The following GLI2 variants were observed in gnomAD, a reference collection of about 807,000 sequenced individuals.
GLI2 encodes GLI family zinc finger 2.
A neutral mutation model predicts 78.9 loss-of-function variants in GLI2; 22 were observed. That is an observed-to-expected ratio of 0.28 (90% confidence interval 0.20 to 0.40). The LOEUF is 0.40. Among genes scored for constraint, GLI2 ranks in the 10% least tolerant of loss-of-function variants. The pLI is 1.00. For synonymous variants in GLI2, 974 were observed against 963.7 expected, an observed-to-expected ratio of 1.01 and a Z score of -0.20; for missense variants, 2,097 against 2,213.2, an observed-to-expected ratio of 0.95 and a Z score of 1.05.
intron 2 of GLI2, among the ~76,000 whole-genome samples, chr2:120,905,958 G>A (rs912610325): frequency 6.6e-6 from 1 of 151,630 alleles, no homozygotes; most frequent in Non-Finnish European, 1.5e-5. Context: ...TTGGGCTCCG[G>A]TTACCTGCGT....
At chr2:120,832,486 C>G (rs1311437362) in intron 2 of GLI2, among the ~76,000 whole-genome samples, 1 of 146,090 alleles carries the variant, frequency 6.8e-6, no homozygotes, top group Non-Finnish European at 1.5e-5. Context: ...GTCAGTCATC[C>G]CTGTGTGGCG....
At position 120,959,613 on chromosome 2, in the gene GLI2, C is replaced by T. The variant is rs907221934; in HGVS notation, c.643+4183C>T. ...GTTACTCACGTATGTCTCTAAGAGA[C>T]GCTGAACACAACACCTGGGCTCTCA... On this transcript the variant is annotated intron_variant, in intron 5 of 13. Transcript: ENST00000361492. 4.6e-5 allele frequency among the ~76,000 whole-genome samples: 7 copies of T among 152,194 alleles called. No homozygotes were observed. In the South Asian group the frequency reaches 6.2e-4, roughly 14 times the overall value.
At chr2:120,898,105 G>C (rs910295235) in intron 2 of GLI2, among the ~76,000 whole-genome samples, 2 of 150,720 alleles carry the variant, frequency 1.3e-5, no homozygotes, top group South Asian at 2.1e-4. Flanking sequence ...TTGTGGAGTG[G>C]TTTCCATCCA....
intron 1 of GLI2, among the ~76,000 whole-genome samples, chr2:120,780,959 G>A (rs1683829065): frequency 6.6e-6 from 1 of 152,176 alleles, no homozygotes; most frequent in African/African-American, 2.4e-5. Flanking sequence ...CTGCCCTGGG[G>A]CTGTGAGCTG....
At chr2:120,741,668 G>T (rs539787422) in intron 1 of GLI2, among the ~76,000 whole-genome samples, 2 of 151,576 alleles carry the variant, frequency 1.3e-5, no homozygotes, top group African/African-American at 4.8e-5. Flanking sequence ...CGGCTTTTCC[G>T]CCACGCGGAG....
intron 2 of GLI2, among the ~76,000 whole-genome samples, chr2:120,912,820 A>C (rs1678895017): frequency 1.3e-5 from 2 of 152,134 alleles, no homozygotes; most frequent in Admixed American, 1.3e-4. Flanking sequence ...AGCGGGCAGC[A>C]ATCCAGGGCA....
At chr2:120,884,415 A>G (rs1677297692) in intron 2 of GLI2, among the ~76,000 whole-genome samples, 1 of 152,150 alleles carries the variant, frequency 6.6e-6, no homozygotes, top group African/African-American at 2.4e-5. Flanking sequence ...AAATGAGGAC[A>G]TTACTTAGTG....
chr2:120,953,479 C>T (rs1006571037), intron 4 of GLI2, among the ~76,000 whole-genome samples: 3 of 152,200 alleles, frequency 2.0e-5, no homozygotes. Flanking sequence ...ACAGTTAACA[C>T]AAAGTTTATG....
chr2:120,933,046 C>T (rs746719757), intron 3 of GLI2, among the ~76,000 whole-genome samples: 37 of 152,072 alleles, frequency 2.4e-4, no homozygotes, highest in African/African-American at 3.9e-4. Flanking sequence ...AGGAGAAGGG[C>T]GGGAACTGTG....
Position 120,977,143 on chromosome 2 carries a change from G to A in GLI2, c.1318-1291G>A, listed in dbSNP as rs114453053. ...GCAGTTTTCTGTCTTCTGGGGCAAG[G>A]TGCTGCCAGTGCCTGATGCTTGGCT... On this transcript the variant is annotated intron_variant, in intron 9 of 13. Transcript: ENST00000361492. Among the ~76,000 whole-genome samples the A allele has an allele frequency of 4.1e-3, 625 of 152,310 alleles. 2 individuals carry two copies. The highest frequency in any genetic ancestry group is 7.1e-3 in the South Asian group (34 of 4,816).
intron 2 of GLI2, among the ~76,000 whole-genome samples, chr2:120,905,893 C>A (rs1034807927): frequency 5.3e-5 from 8 of 150,188 alleles, no homozygotes; most frequent in Admixed American, 1.3e-4. Context: ...CACATGGGCC[C>A]CAGTGTCCAC....
At chr2:120,796,521 G>A (rs1171118124) in intron 1 of GLI2, among the ~76,000 whole-genome samples, 1 of 152,174 alleles carries the variant, frequency 6.6e-6, no homozygotes, top group African/African-American at 2.4e-5. Context: ...CTGGCTCCTG[G>A]CTTTGCCCTC....
chr2:120,954,485 T>C (rs1017579745), intron 4 of GLI2, among the ~76,000 whole-genome samples: 1 of 152,046 alleles, frequency 6.6e-6, no homozygotes, highest in South Asian at 2.1e-4. Context: ...GAGAGCTCTT[T>C]TGGAATTTGT....
At chr2:120,963,459 G>T (rs1052469306) in intron 5 of GLI2, among the ~76,000 whole-genome samples, 2 of 152,170 alleles carry the variant, frequency 1.3e-5, no homozygotes, top group African/African-American at 4.8e-5. Context: ...GTGTGTGCGC[G>T]CACGCGCATC....
At chr2:120,906,904 G>A (rs546765151) in intron 2 of GLI2, among the ~76,000 whole-genome samples, 2 of 152,148 alleles carry the variant, frequency 1.3e-5, no homozygotes, top group South Asian at 4.2e-4. Flanking sequence ...TGCCGCCTCT[G>A]CCCTTCCCGC....
intron 2 of GLI2, among the ~76,000 whole-genome samples, chr2:120,886,677 C>T (rs1677429266): frequency 6.6e-6 from 1 of 152,164 alleles, no homozygotes; most frequent in Non-Finnish European, 1.5e-5. Context: ...AGGCTGGGAG[C>T]CTGCTTAGTG....
At position 120,895,628 on chromosome 2, in the gene GLI2, G is replaced by T. The variant is rs576992484; in HGVS notation, c.149-31733G>T. Among the ~76,000 whole-genome samples the T allele has an allele frequency of 2.6e-5, 4 of 152,224 alleles. No homozygotes were observed. The East Asian group carries it at 7.7e-4, about 29-fold the overall frequency. On this transcript the variant is annotated intron_variant, in intron 2 of 13. Transcript: ENST00000361492. Reference sequence around the variant, plus strand: ...TGAGGCAGGAGAATTGCTTGAACCTGGGAGGTGAAGGCTACAATGAACTGA... The same window carrying T: ...TGAGGCAGGAGAATTGCTTGAACCTTGGAGGTGAAGGCTACAATGAACTGA...
At chr2:120,912,829 C>T (rs2104818854) in intron 2 of GLI2, among the ~76,000 whole-genome samples, 2 of 152,218 alleles carry the variant, frequency 1.3e-5, no homozygotes, top group South Asian at 4.2e-4. Flanking sequence ...CAATCCAGGG[C>T]AGAACAAGGG....
chr2:120,833,118 C>T (rs1686444796), intron 2 of GLI2, among the ~76,000 whole-genome samples: 1 of 151,998 alleles, frequency 6.6e-6, no homozygotes, highest in South Asian at 2.1e-4. Context: ...TTTTATTCTC[C>T]TCGCCTTTGC....
Sources: gnomAD v4.1 joint callset for allele counts (sites outside exome capture counted in the v4.1 genomes callset) on GRCh38, gnomAD v4.1.1 for gene constraint, MANE v1.5 for transcripts, NCBI Gene and HGNC (gene_info 2026-07-23, HGNC 2026-07-21) for gene names.